Variants in NAA16 observed in about 807,000 individuals in gnomAD.
NAA16 encodes the protein N-alpha-acetyltransferase 16, NatA auxiliary subunit, also known as NARG1-like protein.
In NAA16, 97 loss-of-function variants were observed where a neutral mutation model predicts 110.3. The observed-to-expected ratio is 0.88, with a 90% CI of 0.75 to 1.04. The LOEUF is 1.04. NAA16 is among the 50% of genes least tolerant of loss of function. The probability of loss-of-function intolerance (pLI) is 0.00; values close to 1 mark genes in which losing one functional copy is unlikely to be tolerated. For missense variants in NAA16, 1,017 were observed against 1,005.1 expected (o/e 1.01, Z -0.16); for synonymous variants, 372 against 330.6 (o/e 1.13, Z -1.36).
At chr13:41,330,070 G>T (rs2042195558) in intron 7 of NAA16, among the ~76,000 whole-genome samples, 1 of 151,676 alleles carries the variant, frequency 6.6e-6, no homozygotes, top group Non-Finnish European at 1.5e-5. Flanking sequence ...CTACGATTAG[G>T]CACGAACATG....
chr13:41,355,933 A>T (rs2042970111), intron 10 of NAA16, among the ~76,000 whole-genome samples: 1 of 152,252 alleles, frequency 6.6e-6, no homozygotes, highest in Non-Finnish European at 1.5e-5. Context: ...AAGTTACTTT[A>T]GAAAACACTA....
At chr13:41,333,591 A>G (rs1027729861) in intron 8 of NAA16, among the ~76,000 whole-genome samples, 5 of 152,084 alleles carry the variant, frequency 3.3e-5, no homozygotes, top group African/African-American at 1.2e-4. Context: ...GTTTCACAAT[A>G]TATTGTGTGT....
In NAA16 at chr13:41,328,916, A is replaced by G. The variant is rs544277570; in HGVS notation, c.811+73A>G. ...TAATAAAATGTAAAGTTGTAATAAT[A>G]CTTGGGAACAAATAATTTTAGCATT... On this transcript the variant is annotated intron_variant, in intron 7 of 19. Coordinates refer to ENST00000379406, the MANE Select transcript of NAA16 (RefSeq NM_024561.5). The G allele has an allele frequency of 2.1e-5, 27 of 1,288,178 alleles. No homozygotes were observed. The Admixed American group carries it at 4.7e-4, about 22-fold the overall frequency. The allele number at this position is 1,288,178 out of a possible 1,614,324, so 79.8% of individuals were successfully genotyped here. A position where few individuals can be genotyped will look rare whatever the true frequency, so the allele number is the denominator to read the frequency against.
chr13:41,314,455 A>AT (rs1265166740), intron 1 of NAA16, among the ~76,000 whole-genome samples: 1 of 152,174 alleles, frequency 6.6e-6, no homozygotes, highest in African/African-American at 2.4e-5. Context: ...ATGGTTCAAA[A>AT]TTTAGGTTTC....
chr13:41,338,297 G>A (rs931764686), intron 9 of NAA16, among the ~76,000 whole-genome samples: 16 of 152,220 alleles, frequency 1.1e-4, no homozygotes, highest in South Asian at 1.0e-3. Flanking sequence ...AAGCTATCAC[G>A]GGGCTTTCAC....
chr13:41,340,080 C>A (rs1253845628), intron 9 of NAA16, among the ~76,000 whole-genome samples: 2 of 151,858 alleles, frequency 1.3e-5, no homozygotes, highest in African/African-American at 4.8e-5. Flanking sequence ...ATATTTATAT[C>A]CCTTTTAAGT....
chr13:41,312,118 C>T (rs2041620929), intron 1 of NAA16, among the ~76,000 whole-genome samples: 1 of 152,214 alleles, frequency 6.6e-6, no homozygotes, highest in Non-Finnish European at 1.5e-5. Flanking sequence ...GGAAGCCAGG[C>T]CTGGCACCAC....
intron 7 of NAA16, among the ~76,000 whole-genome samples, chr13:41,330,827 C>G (rs545483959): frequency 5.9e-5 from 9 of 152,110 alleles, no homozygotes; most frequent in African/African-American, 1.9e-4. Context: ...TAAACATTTG[C>G]AATCGTAATC....
intron 5 of NAA16, among the ~76,000 whole-genome samples, chr13:41,324,947 T>C (rs1421011078): frequency 7.5e-6 from 1 of 133,404 alleles, no homozygotes; most frequent in East Asian, 2.3e-4. Context: ...AATATAACTT[T>C]TTTAGTTTAG....
intron 1 of NAA16, among the ~76,000 whole-genome samples, chr13:41,313,751 A>G (rs941304238): frequency 1.3e-5 from 2 of 152,220 alleles, no homozygotes; most frequent in Non-Finnish European, 2.9e-5. Context: ...ACAAACCTAA[A>G]GATGGTAAAT....
chr13:41,338,423 A>G (rs2042441430), intron 9 of NAA16, among the ~76,000 whole-genome samples: 1 of 152,178 alleles, frequency 6.6e-6, no homozygotes, highest in African/African-American at 2.4e-5. Flanking sequence ...ATAAAGCATG[A>G]AAATTATGTT....
intron 14 of NAA16, 129 bp from the exon 15 acceptor site, chr13:41,368,960 TG>T: frequency 1.6e-6 from 1 of 639,998 alleles, no homozygotes; most frequent in Non-Finnish European, 2.6e-6. Flanking sequence ...GTGGACTTTG[TG>T]GGGGTGGGGG....
In NAA16 at chr13:41,331,132, A is replaced by T. The variant is rs532491811; in HGVS notation, c.812-142A>T. 8 of 531,580 alleles carry T rather than the reference A, an allele frequency of 1.5e-5. 1 individual carries two copies. Among genetic ancestry groups the T allele is most frequent in the Middle Eastern group, 9.0e-4 (2 of 2,214 alleles). The allele number at this position is 531,580 out of a possible 1,614,324, so 32.9% of individuals were successfully genotyped here. On this transcript the variant is annotated intron_variant, in intron 7 of 19. Coordinates refer to ENST00000379406, the MANE Select transcript of NAA16 (RefSeq NM_024561.5). ...GTATTTTGCCACCACAGAGTTTTAA[A>T]TGTCATTTTTACCAAAATTGAAAGC... is the stretch of plus-strand genomic sequence containing the variant.
intron 5 of NAA16, among the ~76,000 whole-genome samples, chr13:41,324,641 T>G (rs551662158): frequency 6.6e-6 from 1 of 151,820 alleles, no homozygotes; most frequent in Non-Finnish European, 1.5e-5. Context: ...CCCAAAGTGC[T>G]GGGATTACAG....
chr13:41,316,704 A>T, intron 1 of NAA16, 142 bp from the exon 2 acceptor site: 1 of 570,680 alleles, frequency 1.8e-6, no homozygotes. Context: ...ACAAAAGTAC[A>T]CTGCATGTTT....
intron 14 of NAA16, 115 bp downstream of exon 14, chr13:41,367,767 C>A: frequency 1.5e-6 from 1 of 667,302 alleles, no homozygotes; most frequent in Non-Finnish European, 2.3e-6. Flanking sequence ...TGAAGACAAA[C>A]ATTAGATAAC....
chr13:41,347,579 C>G (rs1411955405), intron 9 of NAA16, among the ~76,000 whole-genome samples: 1 of 151,958 alleles, frequency 6.6e-6, no homozygotes, highest in African/African-American at 2.4e-5. Flanking sequence ...AAATTTGTTC[C>G]TAAGCATGCC....
At chr13:41,351,575 T>G (rs966247434) in intron 9 of NAA16, among the ~76,000 whole-genome samples, 10 of 152,106 alleles carry the variant, frequency 6.6e-5, no homozygotes, top group Admixed American at 3.3e-4. Context: ...TAATGAAGAG[T>G]TCTTTTAACT....
chr13:41,336,960 G>A lies in NAA16; in HGVS notation c.1014+204G>A, dbSNP rs1330474226. On this transcript the variant is annotated intron_variant, in intron 9 of 19. Transcript: ENST00000379406. ...TTATGAAAGCACTAAGATTATAAAGGTTGTTTATTTTTAATAGGTATACTT... is the reference window on the plus strand; with the variant it reads ...TTATGAAAGCACTAAGATTATAAAGATTGTTTATTTTTAATAGGTATACTT... Among the ~76,000 whole-genome samples, 7 of 152,066 alleles carry A rather than the reference G, an allele frequency of 4.6e-5. 2 individuals carry two copies. In the South Asian group the frequency reaches 1.2e-3, roughly 27 times the overall value.
Sources: allele counts gnomAD v4.1 joint callset (sites outside exome capture counted in the v4.1 genomes callset), GRCh38; gene constraint gnomAD v4.1.1; transcripts MANE v1.5; gene names NCBI Gene and HGNC (gene_info 2026-07-23, HGNC 2026-07-21).